The following ZFYVE1 variants were observed in gnomAD, a reference collection of about 807,000 sequenced individuals.
ZFYVE1 encodes the protein zinc finger FYVE-type containing 1.
In ZFYVE1, 30 loss-of-function variants were observed where a neutral mutation model predicts 74.4. The ratio of observed to expected loss-of-function variants is 0.40; its 90% confidence interval spans 0.30 to 0.55. The LOEUF (loss-of-function observed/expected upper bound fraction) is 0.55, where lower values mean the gene tolerates loss of function less well. Among genes scored for constraint, ZFYVE1 ranks in the 20% least tolerant of loss-of-function variants. ZFYVE1 has a pLI of 0.42. For missense variants in ZFYVE1, 703 were observed against 1,011.6 expected (o/e 0.69, Z 4.14); for synonymous variants, 335 against 385.1 (o/e 0.87, Z 1.52).
At chr14:72,981,700 T>A (rs904049431) in intron 5 of ZFYVE1, 89 bp downstream of exon 5, 73 of 1,209,956 alleles carry the variant, frequency 6.0e-5, no homozygotes, top group Non-Finnish European at 8.4e-5. Context: ...TCCCAGGGGA[T>A]CTGCATCCAC....
intron 1 of ZFYVE1, among the ~76,000 whole-genome samples, chr14:73,026,478 T>C (rs1052907763): frequency 3.9e-5 from 6 of 152,130 alleles, no homozygotes; most frequent in African/African-American, 1.4e-4. Flanking sequence ...GGGGATCTTA[T>C]TTACTACAAT....
chr14:73,003,054 C>CTTT (rs201185010), intron 2 of ZFYVE1, among the ~76,000 whole-genome samples: 6,397 of 102,890 alleles, frequency 0.062, 481 homozygotes, highest in South Asian at 0.11. Flanking sequence ...TTTTTCTTTT[C>CTTT]TTTTTTTTTT....
chr14:73,009,316 G>C (rs945081362), intron 2 of ZFYVE1, among the ~76,000 whole-genome samples: 14 of 152,182 alleles, frequency 9.2e-5, no homozygotes, highest in Non-Finnish European at 8.8e-5. Context: ...AATTAAATAA[G>C]ATGATGTACA....
intron 11 of ZFYVE1, 51 bp from the exon 12 acceptor site, chr14:72,971,165 C>T (rs1567342343): frequency 1.3e-6 from 2 of 1,593,432 alleles, no homozygotes; most frequent in Non-Finnish European, 1.7e-6. Context: ...ACCCCGAGGC[C>T]CAACTAGCAA....
At chr14:72,972,198 C>T (rs1284245542) in intron 11 of ZFYVE1, among the ~76,000 whole-genome samples, 3 of 151,842 alleles carry the variant, frequency 2.0e-5, no homozygotes, top group African/African-American at 4.8e-5. Context: ...TGGACAATAG[C>T]GAGAGTCAGT....
chr14:72,975,864 G>T lies in ZFYVE1; in HGVS notation c.1636-143C>A. The T allele has an allele frequency of 1.1e-6, 1 of 890,050 alleles. No individual in the cohort carries two copies. Among genetic ancestry groups the T allele is most frequent in the Non-Finnish European group, 1.7e-6 (1 of 587,314 alleles). 55.1% of individuals were successfully genotyped at this position (890,050 alleles called of 1,614,324 possible). ...GGCAGGGAAGAACGGAGACACACCAGGAATCCCTCTGGCTTTATTCTCTTC... is the reference window on the plus strand; with the variant it reads ...GGCAGGGAAGAACGGAGACACACCATGAATCCCTCTGGCTTTATTCTCTTC... On this transcript the variant is annotated intron_variant, in intron 8 of 11. Transcript: ENST00000556143. The surrounding 1 kb of genome is among the most constrained non-coding windows in gnomAD (Gnocchi z 4.1).
intron 1 of ZFYVE1, among the ~76,000 whole-genome samples, chr14:73,026,348 C>A (rs1204939919): frequency 6.6e-6 from 1 of 152,144 alleles, no homozygotes; most frequent in East Asian, 1.9e-4. Context: ...AGCCTTGACC[C>A]GCATTCCAAG....
intron 5 of ZFYVE1, 52 bp downstream of exon 5, chr14:72,981,737 A>T (rs1231377330): frequency 2.0e-5 from 31 of 1,544,006 alleles, no homozygotes; most frequent in Non-Finnish European, 2.7e-5. Context: ...CACCACTCAA[A>T]GGCTCTATTC....
chr14:72,987,487 G>A (rs1451086724), intron 4 of ZFYVE1, among the ~76,000 whole-genome samples: 1 of 152,092 alleles, frequency 6.6e-6, no homozygotes, highest in African/African-American at 2.4e-5. Flanking sequence ...ATGATGGCTT[G>A]GGCCCAGGAG....
At chr14:72,998,539 AAAAAGAAAAAG>A (rs765091092) in intron 2 of ZFYVE1, among the ~76,000 whole-genome samples, 3 of 152,010 alleles carry the variant, frequency 2.0e-5, no homozygotes, top group Admixed American at 6.6e-5. Context: ...CTAAAACTAT[AAAAAGAAAAAG>A]AAAAGAAAAG....
intron 4 of ZFYVE1, among the ~76,000 whole-genome samples, chr14:72,992,415 T>A (rs1275540424): frequency 1.3e-5 from 2 of 152,150 alleles, no homozygotes; most frequent in Non-Finnish European, 2.9e-5. Context: ...TTACTACATC[T>A]CTTGGTGCCT....
intron 8 of ZFYVE1, among the ~76,000 whole-genome samples, 182 bp downstream of exon 8, chr14:72,977,745 G>A (rs1269608801): frequency 3.9e-5 from 6 of 151,950 alleles, no homozygotes; most frequent in Non-Finnish European, 8.8e-5. Context: ...ATATATGCAA[G>A]AAAAAATAAA....
At chr14:73,020,699 C>T (rs1296292579) in intron 2 of ZFYVE1, among the ~76,000 whole-genome samples, 1 of 152,166 alleles carries the variant, frequency 6.6e-6, no homozygotes, top group Non-Finnish European at 1.5e-5. Flanking sequence ...GAGCAGGAGC[C>T]AGGCACGGCG....
intron 4 of ZFYVE1, among the ~76,000 whole-genome samples, chr14:72,988,132 C>A (rs1893524866): frequency 6.6e-6 from 1 of 151,774 alleles, no homozygotes; most frequent in Non-Finnish European, 1.5e-5. Flanking sequence ...CAGAGTACTG[C>A]ATCAATCAGG....
At chr14:73,023,251 T>A (rs12433632) in intron 2 of ZFYVE1, among the ~76,000 whole-genome samples, 21 of 93,224 alleles carry the variant, frequency 2.3e-4, no homozygotes, top group African/African-American at 7.1e-4. Context: ...AATATATATA[T>A]TATATGTTTT....
rs780060169 is a variant in ZFYVE1, at chr14:72,974,129, G to A, written c.2052C>T (p.Ala684=). The part of the protein sequence containing the change: ...GTLIARKVGE[A]VQNTLGAVVT... ...CCACGGCTCCCAGAGTGTTCTGCAC[G>A]GCCTCGCCCACCTTCCGAGCAATGA... is the stretch of plus-strand genomic sequence containing the variant. Residue 684 remains alanine (A), a synonymous_variant, in exon 11 of 12, where the codon GCC becomes GCT. Coordinates refer to ENST00000556143, the MANE Select transcript of ZFYVE1 (RefSeq NM_021260.4). The A allele has an allele frequency of 2.2e-5, 35 of 1,613,986 alleles. No homozygotes were observed. Among genetic ancestry groups the A allele is most frequent in the East Asian group, 1.1e-4 (5 of 44,882 alleles).
chr14:73,003,888 C>G (rs1195104069), intron 2 of ZFYVE1, among the ~76,000 whole-genome samples: 1 of 152,164 alleles, frequency 6.6e-6, no homozygotes, highest in Non-Finnish European at 1.5e-5. Context: ...ACATGCAGAG[C>G]ACTCAGGACA....
At chr14:72,986,987 T>C in intron 4 of ZFYVE1, 2 of 985,310 alleles carry the variant, frequency 2.0e-6, no homozygotes, top group Non-Finnish European at 2.4e-6. Context: ...CCAAGAAAGC[T>C]TGGGAAAGCA....
At chr14:73,003,174 C>T (rs983964620) in intron 2 of ZFYVE1, among the ~76,000 whole-genome samples, 2 of 151,230 alleles carry the variant, frequency 1.3e-5, no homozygotes, top group Non-Finnish European at 2.9e-5. Flanking sequence ...CCTGCCTCAG[C>T]CTCCAGAGTA....
Sources: allele counts gnomAD v4.1 joint callset (sites outside exome capture counted in the v4.1 genomes callset), GRCh38; gene constraint gnomAD v4.1.1; non-coding constraint Gnocchi (gnomAD v3.1); transcripts MANE v1.5; gene names NCBI Gene and HGNC (gene_info 2026-07-23, HGNC 2026-07-21).